CDYL: variants seen among roughly 807,000 people sequenced by gnomAD.
The protein encoded by CDYL is chromodomain Y like, also known as chromodomain Y-like protein.
In CDYL, 8 loss-of-function variants were observed where a neutral mutation model predicts 47.3. The observed-to-expected ratio is 0.17, with a 90% CI of 0.10 to 0.31. The LOEUF (loss-of-function observed/expected upper bound fraction) is 0.31. Ranked by LOEUF, CDYL falls within the 10% of genes least tolerant of loss-of-function variation. The pLI, the probability that CDYL is intolerant of heterozygous loss-of-function variation, is 1.00. For synonymous variants in CDYL, 266 were observed against 265.0 expected, an observed-to-expected ratio of 1.00 and a Z score of -0.04; for missense variants, 471 against 701.4, an observed-to-expected ratio of 0.67 and a Z score of 3.71.
chr6:4,715,823 G>T, exon 2 of CDYL: 5 of 1,614,150 alleles, frequency 3.1e-6, no homozygotes, highest in African/African-American at 1.3e-5. Context: ...GAAAAAGCAG[G>T]AAGAAAAACT....
intron 1 of CDYL, among the ~76,000 whole-genome samples, chr6:4,709,205 T>C (rs1757104235): frequency 6.6e-6 from 1 of 151,984 alleles, no homozygotes; most frequent in Non-Finnish European, 1.5e-5. Context: ...CCAGTCATTT[T>C]GCTTGTTTGA....
intron 2 of CDYL, chr6:4,715,891 T>G (rs768463596): frequency 1.2e-5 from 20 of 1,612,324 alleles, no homozygotes; most frequent in Non-Finnish European, 1.6e-5. Context: ...GGTAAGAACT[T>G]GCAGGAATCA....
intron 1 of CDYL, among the ~76,000 whole-genome samples, chr6:4,802,154 C>A (rs1474745487): frequency 6.6e-6 from 1 of 152,168 alleles, no homozygotes; most frequent in Non-Finnish European, 1.5e-5. Flanking sequence ...ATGCCACAAA[C>A]TCACAATTCT....
intron 1 of CDYL, among the ~76,000 whole-genome samples, chr6:4,795,477 C>A (rs1450555606): frequency 6.6e-6 from 1 of 151,796 alleles, no homozygotes; most frequent in Non-Finnish European, 1.5e-5. Context: ...GCTTTACTTG[C>A]CTAAAAAATC....
chr6:4,737,067 T>G (rs1473048905), intron 3 of CDYL, among the ~76,000 whole-genome samples: 1 of 152,160 alleles, frequency 6.6e-6, no homozygotes, highest in African/African-American at 2.4e-5. Flanking sequence ...AGATGGAAAT[T>G]GAGAGGAAAA....
chr6:4,783,164 G>C (rs549831921), intron 1 of CDYL, among the ~76,000 whole-genome samples: 1 of 148,498 alleles, frequency 6.7e-6, no homozygotes, highest in South Asian at 2.1e-4. Flanking sequence ...TTCTATCTCA[G>C]AACTTCCTTC....
chr6:4,900,813 A>G (rs1202033433), intron 2 of CDYL, among the ~76,000 whole-genome samples: 2,481 of 92,070 alleles, frequency 0.027, 486 homozygotes, highest in African/African-American at 0.086. Context: ...ATATATATAT[A>G]TATATATATA....
In CDYL at chr6:4,859,633, C is replaced by T. The variant is rs557589320; in HGVS notation, c.25-32080C>T. 3.9e-5 allele frequency among the ~76,000 whole-genome samples: 6 copies of T among 152,318 alleles called. No homozygotes were observed. In the South Asian group the frequency reaches 1.2e-3, roughly 32 times the overall value. On this transcript the variant is annotated intron_variant, in intron 1 of 6. Transcript: ENST00000397588. ...TATTTTGATGAGTGCTAGTTCTGCA[C>T]ACTTGCTAAAGTTTTAGGGACTCTG...
intron 2 of CDYL, among the ~76,000 whole-genome samples, chr6:4,898,022 C>T (rs1459906362): frequency 4.6e-5 from 7 of 151,778 alleles, no homozygotes; most frequent in Non-Finnish European, 1.0e-4. Flanking sequence ...CACGCCACTG[C>T]ACTCCAGCCT....
intron 1 of CDYL, among the ~76,000 whole-genome samples, chr6:4,807,591 C>CTTTTTTT (rs70974139): frequency 2.3e-5 from 1 of 42,942 alleles, no homozygotes; most frequent in Non-Finnish European, 4.0e-5. Flanking sequence ...TCATTCATGT[C>CTTTTTTT]TTTTTTTTTT....
Position 4,949,797 on chromosome 6 carries a change from G to T in CDYL, c.1333-2469G>T, listed in dbSNP as rs1581294047. Among the ~76,000 whole-genome samples, 3 of 152,362 alleles carry T rather than the reference G, an allele frequency of 2.0e-5. No homozygotes were observed. The East Asian group carries it at 5.8e-4, about 29-fold the overall frequency. Reference sequence around the variant, plus strand: ...AATCCTATAATACATATCTTACCAAGGGAGATTTGTTGTTGTTGTTTTCTT... The same window carrying T: ...AATCCTATAATACATATCTTACCAATGGAGATTTGTTGTTGTTGTTTTCTT... On this transcript the variant is annotated intron_variant, in intron 5 of 6. Coordinates refer to ENST00000397588, the MANE Select transcript of CDYL (RefSeq NM_004824.4).
At chr6:4,776,082 C>A (rs947994340), upstream of CDYL, among the ~76,000 whole-genome samples, 1 of 150,468 alleles carries the variant, frequency 6.6e-6, no homozygotes, top group East Asian at 2.0e-4. Context: ...CACGTCGAGG[C>A]GGGCTGGGGG....
At chr6:4,832,322 T>A (rs1760170533) in intron 1 of CDYL, among the ~76,000 whole-genome samples, 1 of 152,072 alleles carries the variant, frequency 6.6e-6, no homozygotes, top group Non-Finnish European at 1.5e-5. Flanking sequence ...TTTCTGCATC[T>A]ATTGAGATAA....
At chr6:4,743,249 G>A (rs1036940579) in intron 3 of CDYL, among the ~76,000 whole-genome samples, 5 of 152,146 alleles carry the variant, frequency 3.3e-5, no homozygotes, top group African/African-American at 1.2e-4. Context: ...AAGTGCCTGG[G>A]GCCACAGCCT....
At position 4,937,555 on chromosome 6, in the gene CDYL, T is replaced by C; in HGVS notation, c.949-10T>C. 1 of 1,519,712 alleles carries C rather than the reference T, an allele frequency of 6.6e-7. No individual in the cohort carries two copies. The highest frequency in any genetic ancestry group is 1.8e-4 in the Middle Eastern group (1 of 5,652). The allele number at this position is 1,519,712 out of a possible 1,614,324, so 94.1% of individuals were successfully genotyped here. A position where few individuals can be genotyped will look rare whatever the true frequency, so the allele number is the denominator to read the frequency against. On this transcript the variant is annotated splice_polypyrimidine_tract_variant and intron_variant, in intron 3 of 6. Transcript: ENST00000397588. ...TATTCTTTGCCACTTTAACTTCTGG[T>C]GACTTTCAGGTAATGAGAGAAGTCC...
Position 4,911,386 on chromosome 6 carries a change from A to G in CDYL, c.691+19007A>G, listed in dbSNP as rs186601512. ...ACAGTGCTCTCACACATACATGCGC[A>G]CAGTAGTTGCTCCGTAGAAGTATAA... On this transcript the variant is annotated intron_variant, in intron 2 of 6. Coordinates refer to ENST00000397588, the MANE Select transcript of CDYL (RefSeq NM_004824.4). Among the ~76,000 whole-genome samples the G allele has an allele frequency of 3.2e-3, 492 of 152,380 alleles. 1 individual carries two copies. Among genetic ancestry groups the G allele is most frequent in the African/African-American group, 0.011 (476 of 41,588 alleles).
intron 4 of CDYL, among the ~76,000 whole-genome samples, chr6:4,939,826 T>C (rs1052411435): frequency 3.9e-5 from 6 of 152,244 alleles, no homozygotes; most frequent in African/African-American, 9.6e-5. Flanking sequence ...TCACTTTGCA[T>C]GTTCTCCATA....
intron 2 of CDYL, among the ~76,000 whole-genome samples, chr6:4,724,103 T>G (rs553178772): frequency 2.6e-5 from 4 of 152,254 alleles, no homozygotes; most frequent in Non-Finnish European, 5.9e-5. Context: ...TGCAGGGGCA[T>G]GATCTTGGCT....
rs758389859 is a variant in CDYL at position 4,892,335 on chromosome 6, C to G, written c.647C>G (p.Pro216Arg). 10 of 1,613,658 alleles carry G rather than the reference C, an allele frequency of 6.2e-6. No homozygotes were observed. In the African/African-American group the frequency reaches 6.7e-5, roughly 11 times the overall value. ...CCACTAGTGCCTCAGGTGCCCGGCC[C>G]TGTGACTGCAGCCATGGCCACAGGC... is the stretch of plus-strand genomic sequence containing the variant. Reference protein sequence around the residue: ...IHPLVPQVPGPVTAAMATGLA... With the variant: ...IHPLVPQVPGRVTAAMATGLA... The change falls in exon 2 of 7, where the codon CCT (proline) becomes CGT (arginine). Residue 216 changes from proline to arginine, a missense_variant. This residue lies in a region of CDYL where 311 missense variants were observed against 350.0 expected (regional missense o/e 0.89). Coordinates refer to ENST00000397588, the MANE Select transcript of CDYL (RefSeq NM_004824.4).
Sources: gnomAD v4.1 joint callset for allele counts (sites outside exome capture counted in the v4.1 genomes callset) on GRCh38, gnomAD v4.1.1 for gene constraint, gnomAD v4.1.1 regional missense constraint, MANE v1.5 for transcripts, NCBI Gene and HGNC (gene_info 2026-07-23, HGNC 2026-07-21) for gene names.